BBS7: variants seen among roughly 807,000 people sequenced by gnomAD.
BBS7 encodes Bardet-Biedl syndrome 7.
A neutral mutation model predicts 90.3 loss-of-function variants in BBS7; 50 were observed. The ratio of observed to expected loss-of-function variants is 0.55; its 90% CI spans 0.44 to 0.70. BBS7 has a LOEUF of 0.70. Ranked by LOEUF, BBS7 falls within the 30% of genes least tolerant of loss-of-function variation. BBS7 has a pLI of 0.00. For synonymous variants in BBS7, 235 were observed against 287.4 expected, an observed-to-expected ratio of 0.82 and a Z score of 1.85; for missense variants, 729 against 838.9, an observed-to-expected ratio of 0.87 and a Z score of 1.62.
chr4:121,862,576 T>C (rs1323294655), intron 3 of BBS7, among the ~76,000 whole-genome samples: 1 of 152,160 alleles, frequency 6.6e-6, no homozygotes, highest in African/African-American at 2.4e-5. Flanking sequence ...TTAAATTAAG[T>C]GGAAAAGGTT....
At chr4:121,857,197 T>C (rs1023668601) in intron 5 of BBS7, among the ~76,000 whole-genome samples, 1 of 151,708 alleles carries the variant, frequency 6.6e-6, no homozygotes, top group African/African-American at 2.4e-5. Context: ...GATCATAGCT[T>C]ACCGCAGCCT....
rs1262413437 is a variant in BBS7 at position 121,859,102 on chromosome 4, A to G, written c.418T>C (p.Tyr140His). 1 of 1,613,868 alleles carries G rather than the reference A, an allele frequency of 6.2e-7. No homozygotes were observed. Among genetic ancestry groups the G allele is most frequent in the South Asian group, 1.1e-5 (1 of 91,080 alleles). ...TTGATTTTATCCCCAGAAAGGTAATAATGTTGGTCTTTGCAGTCACAATAA... is the reference window on the plus strand; with the variant it reads ...TTGATTTTATCCCCAGAAAGGTAATGATGTTGGTCTTTGCAGTCACAATAA... ...NHYCDCKDQHYYLSGDKINDV... is the reference protein window; with the variant it reads ...NHYCDCKDQHHYLSGDKINDV... Residue 140 changes from tyrosine (Y) to histidine (H), a missense_variant, in exon 5 of 19, where the codon TAT (tyrosine) becomes CAT (histidine). Tyr to His is a moderately conservative substitution (Grantham distance 83). Transcript: ENST00000264499.
intron 2 of BBS7, among the ~76,000 whole-genome samples, 177 bp from the exon 3 acceptor site, chr4:121,863,456 G>C (rs1006000716): frequency 2.0e-5 from 3 of 152,048 alleles, no homozygotes; most frequent in Non-Finnish European, 4.4e-5. Context: ...AAAAGAGAAG[G>C]ATATGGAGAG....
intron 2 of BBS7, among the ~76,000 whole-genome samples, chr4:121,866,433 T>C (rs550067329): frequency 6.6e-6 from 1 of 152,268 alleles, no homozygotes; most frequent in South Asian, 2.1e-4. Flanking sequence ...AAGCTAATTT[T>C]TTTGTATTTC....
At chr4:121,854,841 CAT>C in intron 6 of BBS7, 21 bp from the exon 7 acceptor site, 1 of 1,597,624 alleles carries the variant, frequency 6.3e-7, no homozygotes, top group Non-Finnish European at 8.6e-7. Context: ...TTAAAGTCAA[CAT>C]ATTATATTTA....
chr4:121,827,123 C>G lies in BBS7; in HGVS notation c.2014+1023G>C, dbSNP rs115134902. ...ATGAAAAAAACTTTGGTTTACAAAG[C>G]TGTCTGGATTTTGCAATCAGTGATA... On this transcript the variant is annotated intron_variant, in intron 18 of 18. Transcript: ENST00000264499. Among the ~76,000 whole-genome samples the G allele has an allele frequency of 1.1e-3, 167 of 152,284 alleles. 1 individual carries two copies. Among genetic ancestry groups the G allele is most frequent in the African/African-American group, 3.8e-3 (159 of 41,552 alleles).
intron 14 of BBS7, 52 bp from the exon 15 acceptor site, chr4:121,833,447 A>G (rs373267349): frequency 3.3e-6 from 5 of 1,520,174 alleles, no homozygotes; most frequent in South Asian, 1.1e-5. Context: ...ACATGAAAGT[A>G]TTATATGTAC....
rs1393762389 is a variant in BBS7 at position 121,824,987 on chromosome 4, T to C, written c.*873A>G. 6.6e-6 allele frequency: 1 copy of C among 152,160 alleles called. No homozygotes were observed. The highest frequency in any genetic ancestry group is 2.4e-5 in the African/African-American group (1 of 41,420). 9.4% of individuals were successfully genotyped at this position (152,160 alleles called of 1,614,324 possible). ...ATGAATTAAGATTAATGCACAAAACTTCTGTAGCCTTAATGTCATATATGA... is the reference window on the plus strand; with the variant it reads ...ATGAATTAAGATTAATGCACAAAACCTCTGTAGCCTTAATGTCATATATGA... On this transcript the variant is annotated 3_prime_UTR_variant, in exon 19 of 19. Coordinates refer to ENST00000264499, the MANE Select transcript of BBS7 (RefSeq NM_176824.3). This position sits in a 1 kb window ranked among gnomAD's most constrained non-coding sequence, Gnocchi z 4.1.
intron 9 of BBS7, 52 bp from the exon 10 acceptor site, chr4:121,847,558 A>G (rs1197856806): frequency 7.7e-7 from 1 of 1,295,336 alleles, no homozygotes. Context: ...AGTGTTAAAA[A>G]GATAAATTAT....
At chr4:121,839,217 A>C (rs1469424919) in intron 13 of BBS7, among the ~76,000 whole-genome samples, 1 of 152,124 alleles carries the variant, frequency 6.6e-6, no homozygotes. Context: ...AAATGTTTGA[A>C]ACTTTCTATA....
chr4:121,849,522 G>C (rs9995319), intron 8 of BBS7, among the ~76,000 whole-genome samples: 45,636 of 152,026 alleles, frequency 0.3, 8,358 homozygotes, highest in East Asian at 0.44. Flanking sequence ...ATAAAGAAAG[G>C]TTTTTTAAAA....
intron 18 of BBS7, among the ~76,000 whole-genome samples, chr4:121,826,970 G>A (rs116167097): frequency 0.017 from 2,643 of 152,248 alleles, 44 homozygotes; most frequent in Middle Eastern, 0.065. Context: ...GAGACCAAGC[G>A]AGACTCTGTC....
rs2661555 is a variant in BBS7, at chr4:121,858,819, C to G, written c.528+173G>C. 491,965 of 651,484 alleles carry G rather than the reference C, an allele frequency of 0.76. 187,170 individuals are homozygous for G. Among genetic ancestry groups the G allele is most frequent in the African/African-American group, 0.89 (48,919 of 54,718 alleles). 40.4% of individuals were successfully genotyped at this position (651,484 alleles called of 1,614,324 possible). A position where few individuals can be genotyped will look rare whatever the true frequency, so the allele number is the denominator to read the frequency against. On this transcript the variant is annotated intron_variant, in intron 5 of 18. Coordinates refer to ENST00000264499, the MANE Select transcript of BBS7 (RefSeq NM_176824.3). ...ATGCTTCTCTTAAAAACTTACAAAA[C>G]AACACATTTGACTCAAGTTAAAAAA...
Position 121,824,330 on chromosome 4 carries a change from T to C in BBS7, c.*1530A>G, listed in dbSNP as rs1203177493. 6.6e-6 allele frequency: 1 copy of C among 152,236 alleles called. No individual in the cohort carries two copies. Among genetic ancestry groups the C allele is most frequent in the Non-Finnish European group, 1.5e-5 (1 of 68,050 alleles). 9.4% of individuals were successfully genotyped at this position (152,236 alleles called of 1,614,324 possible). A position where few individuals can be genotyped will look rare whatever the true frequency, so the allele number is the denominator to read the frequency against. On this transcript the variant is annotated 3_prime_UTR_variant, in exon 19 of 19. Coordinates refer to ENST00000264499, the MANE Select transcript of BBS7 (RefSeq NM_176824.3). The surrounding 1 kb of genome is among the most constrained non-coding windows in gnomAD (Gnocchi z 4.1). Reference sequence around the variant, plus strand: ...GATTCTCCGTTTTCTTATGTGTTAATAGGGACTAATAACTACAGTCATATG... The same window carrying C: ...GATTCTCCGTTTTCTTATGTGTTAACAGGGACTAATAACTACAGTCATATG...
Position 121,867,976 on chromosome 4 carries a change from A to G in BBS7, c.102+5T>C. On this transcript the variant is annotated splice_donor_5th_base_variant and intron_variant, in intron 2 of 18. Transcript: ENST00000264499. ...ATAGTGGAGAAATCAGAATCTATACAGTACCTTTTGTGTAGCTCTGTGTCT... is the reference window on the plus strand; with the variant it reads ...ATAGTGGAGAAATCAGAATCTATACGGTACCTTTTGTGTAGCTCTGTGTCT... 3 of 1,609,806 alleles carry G rather than the reference A, an allele frequency of 1.9e-6. No individual in the cohort carries two copies. Among genetic ancestry groups the G allele is most frequent in the African/African-American group, 1.3e-5 (1 of 74,942 alleles).
At chr4:121,852,240 T>C (rs1726360895) in intron 8 of BBS7, among the ~76,000 whole-genome samples, 1 of 152,182 alleles carries the variant, frequency 6.6e-6, no homozygotes, top group Non-Finnish European at 1.5e-5. Flanking sequence ...GAGGTACCAC[T>C]AGTAGATAAA....
rs1470030897 is a variant in BBS7 at position 121,835,197 on chromosome 4, G to A, written c.1458C>T (p.Tyr486=). 2 of 1,613,764 alleles carry A rather than the reference G, an allele frequency of 1.2e-6. No individual in the cohort carries two copies. The highest frequency in any genetic ancestry group is 2.2e-5 in the East Asian group (1 of 44,874). Residue 486 remains tyrosine, a synonymous_variant, in exon 14 of 19, where the codon TAC becomes TAT. Coordinates refer to ENST00000264499, the MANE Select transcript of BBS7 (RefSeq NM_176824.3). Reference sequence around the variant, plus strand: ...GATGGAGTGAAAGAGGTTTGATGTGGTACTGGCGGACCTGACAGGTTTTGG... The same window carrying A: ...GATGGAGTGAAAGAGGTTTGATGTGATACTGGCGGACCTGACAGGTTTTGG... ...IQPKTCQVRQ[Y]HIKPLSLHQR... is the part of the protein sequence containing the mutation.
chr4:121,842,251 CAAAAAA>C (rs1270788731), intron 12 of BBS7, among the ~76,000 whole-genome samples: 3,547 of 66,690 alleles, frequency 0.053, 162 homozygotes, highest in African/African-American at 0.14. Context: ...GACTCCATCT[CAAAAAA>C]AAAAAAAAAA....
At chr4:121,832,009 AACACACACACAC>A (rs375865529) in intron 15 of BBS7, among the ~76,000 whole-genome samples, 8 of 142,870 alleles carry the variant, frequency 5.6e-5, no homozygotes, top group South Asian at 2.2e-4. Context: ...AAAAAACAAA[AACACACACACAC>A]ACACACACAC....
Sources: allele counts gnomAD v4.1 joint callset (sites outside exome capture counted in the v4.1 genomes callset), GRCh38; gene constraint gnomAD v4.1.1; non-coding constraint Gnocchi (gnomAD v3.1); transcripts MANE v1.5; gene names NCBI Gene and HGNC (gene_info 2026-07-23, HGNC 2026-07-21).